ZNF709: variants seen among roughly 807,000 people sequenced by gnomAD.
The protein encoded by ZNF709 is zinc finger protein 709.
A neutral mutation model predicts 10.6 loss-of-function variants in ZNF709; 15 were observed. The ratio of observed to expected loss-of-function variants is 1.41; its 90% CI spans 0.95 to 2.18. ZNF709 has a LOEUF of 2.18. Ranked by LOEUF, ZNF709 falls within the 30% of genes most tolerant of loss-of-function variation. The probability of loss-of-function intolerance (pLI) is 0.00; values close to 1 mark genes in which losing one functional copy is unlikely to be tolerated. For synonymous variants in ZNF709, 194 were observed against 238.8 expected (o/e 0.81, Z 1.73); for missense variants, 589 against 774.0 (o/e 0.76, Z 2.84).
chr19:12,461,425 G>A lies in ZNF709; in HGVS notation c.*2571C>T, dbSNP rs1970513060. 6.6e-6 allele frequency: 1 copy of A among 152,032 alleles called. No homozygotes were observed. Among genetic ancestry groups the A allele is most frequent in the African/African-American group, 2.4e-5 (1 of 41,402 alleles). The allele number at this position is 152,032 out of a possible 1,614,324, so 9.4% of individuals were successfully genotyped here. The stretch of plus-strand genomic sequence containing the variant: ...ACAATCTGCTTGATATTAGGAAGGT[G>A]CTTATTCTTACACTGTAGGACTGGG... On this transcript the variant is annotated 3_prime_UTR_variant, in exon 4 of 4. Coordinates refer to ENST00000397732, the MANE Select transcript of ZNF709 (RefSeq NM_152601.4).
rs71166684 is a variant in ZNF709 at position 12,475,257 on chromosome 19, TAAAAAAAAA to T, written c.4-8416_4-8408del. Among the ~76,000 whole-genome samples the T allele has an allele frequency of 7.2e-4, 32 of 44,734 alleles. No homozygotes were observed. In the Admixed American group the frequency reaches 9.1e-3, roughly 13 times the overall value. The allele number at this position is 44,734 out of a possible 152,430, so 29.3% of individuals were successfully genotyped here. A position where few individuals can be genotyped will look rare whatever the true frequency, so the allele number is the denominator to read the frequency against. ...TGGGCAACAGAGTGAGATTCCGTCT[TAAAAAAAAA>T]AAAAAAAAAAAAAAAATCTAAGCAT... On this transcript the variant is annotated intron_variant, in intron 1 of 3. Coordinates refer to ENST00000397732, the MANE Select transcript of ZNF709 (RefSeq NM_152601.4).
chr19:12,464,326 A>C lies in ZNF709; in HGVS notation c.1596T>G (p.Tyr532Ter). The change falls in exon 4 of 4, where the codon TAT becomes TAG. Residue 532 changes from tyrosine (Y) to a stop codon, truncating the protein, a stop_gained. Coordinates refer to ENST00000397732, the MANE Select transcript of ZNF709 (RefSeq NM_152601.4). LOFTEE classifies it low-confidence loss of function (END_TRUNC). The stretch of plus-strand genomic sequence containing the variant: ...ACGCCTTACCACACTGTTTACATTC[A>C]TAGGGTTTCTCCCCAGTGTGAGTCC... The part of the protein sequence containing the change: ...HERTHTGEKP[Y>*]ECKQCGKAFS... The C allele has an allele frequency of 6.2e-7, 1 of 1,610,196 alleles. No individual in the cohort carries two copies. The highest frequency in any genetic ancestry group is 8.5e-7 in the Non-Finnish European group (1 of 1,178,190).
intron 1 of ZNF709, among the ~76,000 whole-genome samples, chr19:12,477,720 G>A (rs1043431261): frequency 3.3e-5 from 5 of 152,036 alleles, no homozygotes; most frequent in East Asian, 1.9e-4. Flanking sequence ...CTTTTTTGCC[G>A]TCTAAATTCC....
intron 3 of ZNF709, among the ~76,000 whole-genome samples, chr19:12,465,997 G>A (rs1197972308): frequency 1.3e-5 from 2 of 149,438 alleles, no homozygotes; most frequent in Non-Finnish European, 3.0e-5. Flanking sequence ...CTGCAGTGCA[G>A]TGGCACAATC....
rs1970538765 is a variant in ZNF709, at chr19:12,463,929, A to G, written c.*67T>C. 3.4e-6 allele frequency: 1 copy of G among 291,578 alleles called. No homozygotes were observed. The highest frequency in any genetic ancestry group is 1.6e-4 in the South Asian group (1 of 6,386). 18.1% of individuals were successfully genotyped at this position (291,578 alleles called of 1,614,324 possible). ...GCAACAGAGTGAGAATTCAACTCAA[A>G]AAAAAAAAAAAAAAAAAAGGAAATA... On this transcript the variant is annotated 3_prime_UTR_variant, in exon 4 of 4. Coordinates refer to ENST00000397732, the MANE Select transcript of ZNF709 (RefSeq NM_152601.4).
In ZNF709 at chr19:12,464,693, T is replaced by C. The variant is rs1970551249; in HGVS notation, c.1229A>G (p.His410Arg). ...AFSCSSSFRM[H>R]ERTHTGEKPH... ...TTTCTCTCCAGTGTGAGTTCTTTCA[T>C]GCATTCGAAAGGAACTGGAACAACT... The change falls in exon 4 of 4, where the codon CAT (histidine) becomes CGT (arginine). Residue 410 changes from histidine to arginine, a missense_variant. Coordinates refer to ENST00000397732, the MANE Select transcript of ZNF709 (RefSeq NM_152601.4). 3.1e-6 allele frequency: 5 copies of C among 1,614,072 alleles called. No individual in the cohort carries two copies. The highest frequency in any genetic ancestry group is 4.2e-6 in the Non-Finnish European group (5 of 1,179,964).
At position 12,477,918 on chromosome 19, in the gene ZNF709, A is replaced by T. The variant is rs568908084; in HGVS notation, c.3+6737T>A. Among the ~76,000 whole-genome samples, 4 of 152,234 alleles carry T rather than the reference A, an allele frequency of 2.6e-5. No individual in the cohort carries two copies. The East Asian group carries it at 7.7e-4, about 29-fold the overall frequency. ...TCCCTCCAGAGAGCCACAAATCACT[A>T]TTATCAGGCTTAGGGGCCTGTCCCT... On this transcript the variant is annotated intron_variant, in intron 1 of 3. Transcript: ENST00000397732.
Position 12,464,575 on chromosome 19 carries a change from T to C in ZNF709, c.1347A>G (p.Glu449=). 1.2e-6 allele frequency: 2 copies of C among 1,612,230 alleles called. No homozygotes were observed. The highest frequency in any genetic ancestry group is 1.7e-6 in the Non-Finnish European group (2 of 1,179,280). The change falls in exon 4 of 4, where the codon GAA becomes GAG. Residue 449 remains glutamate, a synonymous_variant. Transcript: ENST00000397732. The part of the protein sequence containing the change: ...ERTHTGEKPY[E]CKQCGKAFSC... Reference sequence around the variant, plus strand: ...TGAAGGCTTTACCACACTGTTTACATTCATAGGGTTTCTCTCCAGTGTGAG... The same window carrying C: ...TGAAGGCTTTACCACACTGTTTACACTCATAGGGTTTCTCTCCAGTGTGAG...
At chr19:12,477,048 G>A (rs1305937153) in intron 1 of ZNF709, among the ~76,000 whole-genome samples, 1 of 152,166 alleles carries the variant, frequency 6.6e-6, no homozygotes, top group African/African-American at 2.4e-5. Context: ...TATATAATTA[G>A]CCTGTGAGAT....
At chr19:12,475,986 A>G (rs1424006394) in intron 1 of ZNF709, among the ~76,000 whole-genome samples, 2 of 152,240 alleles carry the variant, frequency 1.3e-5, no homozygotes, top group Non-Finnish European at 2.9e-5. Context: ...TTCAACAAAC[A>G]GTGTTGGAAA....
Position 12,464,773 on chromosome 19 carries a change from T to A in ZNF709, c.1149A>T (p.Glu383Asp). The A allele has an allele frequency of 6.2e-7, 1 of 1,613,726 alleles. No homozygotes were observed. Among genetic ancestry groups the A allele is most frequent in the Non-Finnish European group, 8.5e-7 (1 of 1,179,794 alleles). The change falls in exon 4 of 4, where the codon GAA (glutamate) becomes GAT (aspartate). Residue 383 changes from glutamate to aspartate, a missense_variant. Around this residue, in one of 2 missense-constraint regions of ZNF709, gnomAD observed 418 missense variants for 496.3 expected, o/e 0.84. Coordinates refer to ENST00000397732, the MANE Select transcript of ZNF709 (RefSeq NM_152601.4). ...AGGGTTTCTCTCCAGTGTGAGTTCG[T>A]TCATGGATTTGAAAAGAACTAGGAC... ...FDCPSSFQIH[E>D]RTHTGEKPYE...
At chr19:12,467,608 T>G (rs992430212) in intron 1 of ZNF709, among the ~76,000 whole-genome samples, 3 of 148,904 alleles carry the variant, frequency 2.0e-5, no homozygotes, top group African/African-American at 7.5e-5. Context: ...GCCCATCGTC[T>G]GGGATGTGAG....
At chr19:12,480,707 G>GCATTTTC (rs1970719863) in intron 1 of ZNF709, among the ~76,000 whole-genome samples, 1 of 151,120 alleles carries the variant, frequency 6.6e-6, no homozygotes, top group African/African-American at 2.4e-5. Context: ...AAGTTCAATT[G>GCATTTTC]CATTTTCCTT....
rs1244545557 is a variant in ZNF709, at chr19:12,466,457, C to T, written c.188+5G>A. On this transcript the variant is annotated splice_donor_5th_base_variant and intron_variant, in intron 3 of 3. Transcript: ENST00000397732. ...ACAGTATTTTCTTTTGTAAGTACAA[C>T]TCACCTTAGCTTTCTCCCCTGATTT... 11 of 1,613,704 alleles carry T rather than the reference C, an allele frequency of 6.8e-6. No homozygotes were observed. Among genetic ancestry groups the T allele is most frequent in the Non-Finnish European group, 9.3e-6 (11 of 1,179,738 alleles).
At position 12,464,204 on chromosome 19, in the gene ZNF709, C is replaced by G. The variant is rs1005213970; in HGVS notation, c.1718G>C (p.Ser573Thr). The G allele has an allele frequency of 1.3e-6, 2 of 1,584,950 alleles. No homozygotes were observed. The highest frequency in any genetic ancestry group is 2.7e-5 in the African/African-American group (2 of 74,044). Residue 573 changes from serine (S) to threonine (T), a missense_variant, in exon 4 of 4, where the codon AGT becomes ACT. Physicochemically the swap from Ser to Thr is moderately conservative, Grantham distance 58. Around this residue, in one of 2 missense-constraint regions of ZNF709, gnomAD observed 171 missense variants for 277.7 expected, o/e 0.62. Transcript: ENST00000397732. ...AGTCCTTTCATGCATTCGAACAGAA[C>G]TAGAACAACTGAAGGCCTTACCACA... ...KQCGKAFSCS[S>T]SVRMHERTHT...
rs746124977 is a variant in ZNF709 at position 12,465,682 on chromosome 19, T to C, written c.240A>G (p.Gly80=). ...LCERKEGSQF[G]ETISQTPNPK... ...GATTTGGAGTCTGACTGATGGTTTC[T>C]CCAAACTGACTACCTTCTTTCCTTT... Residue 80 remains glycine (G), a synonymous_variant, in exon 4 of 4, where the codon GGA becomes GGG. Coordinates refer to ENST00000397732, the MANE Select transcript of ZNF709 (RefSeq NM_152601.4). 2.5e-6 allele frequency: 4 copies of C among 1,608,064 alleles called. No homozygotes were observed.
chr19:12,474,920 C>T (rs1036091971), intron 1 of ZNF709, among the ~76,000 whole-genome samples: 1 of 152,078 alleles, frequency 6.6e-6, no homozygotes, highest in Non-Finnish European at 1.5e-5. Context: ...TTTAAAGTGA[C>T]TATAGCTACC....
Position 12,466,462 on chromosome 19 carries a change from C to T in ZNF709, c.188G>A (p.Arg63Lys). ...ATTTTCTTTTGTAAGTACAACTCAC[C>T]TTAGCTTTCTCCCCTGATTTTTGTG... is the stretch of plus-strand genomic sequence containing the variant. ...EDHKNQGRKL[R>K]SHMVERLCER... Residue 63 changes from arginine (R) to lysine (K), a missense_variant and splice_region_variant, in exon 3 of 4, where the codon AGA becomes AAA. This residue lies in a region of ZNF709 where 418 missense variants were observed against 496.3 expected (regional missense o/e 0.84). Coordinates refer to ENST00000397732, the MANE Select transcript of ZNF709 (RefSeq NM_152601.4). 6.2e-7 allele frequency: 1 copy of T among 1,613,874 alleles called. No homozygotes were observed. Among genetic ancestry groups the T allele is most frequent in the Non-Finnish European group, 8.5e-7 (1 of 1,179,902 alleles).
In ZNF709 at chr19:12,465,699, C is replaced by T; in HGVS notation, c.223G>A (p.Glu75Lys). 1 of 1,600,592 alleles carries T rather than the reference C, an allele frequency of 6.2e-7. No individual in the cohort carries two copies. The highest frequency in any genetic ancestry group is 8.5e-7 in the Non-Finnish European group (1 of 1,175,452). ...ATGGTTTCTCCAAACTGACTACCTT[C>T]TTTCCTTTCACAGAGCCTCTCTACC... is the stretch of plus-strand genomic sequence containing the variant. ...HMVERLCERK[E>K]GSQFGETISQ... The change falls in exon 4 of 4, where the codon GAA becomes AAA. Residue 75 changes from glutamate (E) to lysine (K), a missense_variant. By Grantham distance (56) the Glu-to-Lys change is moderately conservative (BLOSUM62 1). Coordinates refer to ENST00000397732, the MANE Select transcript of ZNF709 (RefSeq NM_152601.4).
Sources: gnomAD v4.1 joint callset for allele counts (sites outside exome capture counted in the v4.1 genomes callset) on GRCh38, gnomAD v4.1.1 for gene constraint, gnomAD v4.1.1 regional missense constraint, MANE v1.5 for transcripts, NCBI Gene and HGNC (gene_info 2026-07-23, HGNC 2026-07-21) for gene names.